Variants in PSG11 observed in about 807,000 individuals in gnomAD.
PSG11 encodes the protein pregnancy specific beta-1-glycoprotein 11, also known as pregnancy-specific beta-1-glycoprotein 11.
A neutral mutation model predicts 36.0 loss-of-function variants in PSG11; 42 were observed. That is an observed-to-expected ratio of 1.17 (90% CI 0.91 to 1.51). The LOEUF is 1.51. Among genes scored for constraint, PSG11 ranks in the 40% most tolerant of loss-of-function variants. PSG11 has a pLI of 0.00. For synonymous variants in PSG11, 206 were observed against 153.5 expected, an observed-to-expected ratio of 1.34 and a Z score of -2.53; for missense variants, 558 against 403.5, an observed-to-expected ratio of 1.38 and a Z score of -3.28.
In PSG11 at chr19:43,009,280, G is replaced by A. The variant is rs149013538; in HGVS notation, c.*40+678C>T. Among the ~76,000 whole-genome samples the A allele has an allele frequency of 6.0e-3, 914 of 151,384 alleles. 25 individuals are homozygous for A. The highest frequency in any genetic ancestry group is 0.021 in the African/African-American group (866 of 41,088). On this transcript the variant is annotated intron_variant, in intron 5 of 5. Coordinates refer to ENST00000320078, the MANE Select transcript of PSG11 (RefSeq NM_002785.3). The stretch of plus-strand genomic sequence containing the variant: ...TTCTCCACGAGGTCAGATGTTGCTT[G>A]TGATGAAGGGTGTGGTTAAGTCTGC...
rs1007203032 is a variant in PSG11 at position 43,020,663 on chromosome 19, A to T, written c.431-1615T>A. On this transcript the variant is annotated intron_variant, in intron 2 of 5. Coordinates refer to ENST00000320078, the MANE Select transcript of PSG11 (RefSeq NM_002785.3). ...AGGATCACATTATGCTCAAAGAAAG[A>T]TGCCAAAGGTGATTTGAAATTAGCA... Among the ~76,000 whole-genome samples the T allele has an allele frequency of 9.2e-5, 14 of 151,442 alleles. 1 individual carries two copies. The highest frequency in any genetic ancestry group is 3.4e-4 in the African/African-American group (14 of 41,046).
rs889010377 is a variant in PSG11, at chr19:43,020,823, C to T, written c.431-1775G>A. Among the ~76,000 whole-genome samples, 17 of 150,822 alleles carry T rather than the reference C, an allele frequency of 1.1e-4. 1 individual carries two copies. The highest frequency in any genetic ancestry group is 4.2e-4 in the African/African-American group (17 of 40,414). On this transcript the variant is annotated intron_variant, in intron 2 of 5. Coordinates refer to ENST00000320078, the MANE Select transcript of PSG11 (RefSeq NM_002785.3). The stretch of plus-strand genomic sequence containing the variant: ...TAAATATAGAAAGAACTTCCTGCTT[C>T]TAATTTCTGTGCAGTTAGGAAAAAT...
chr19:43,020,048 T>A (rs1296942162), intron 2 of PSG11, among the ~76,000 whole-genome samples: 2 of 151,324 alleles, frequency 1.3e-5, no homozygotes, highest in African/African-American at 4.9e-5. Context: ...ATCAGTGGAT[T>A]CCAGAGTGAA....
intron 4 of PSG11, 130 bp downstream of exon 4, chr19:43,014,986 A>G: frequency 6.3e-7 from 1 of 1,575,230 alleles, no homozygotes; most frequent in Non-Finnish European, 8.6e-7. Flanking sequence ...AGGGTTCAGG[A>G]GGAGAATTTG....
Position 43,023,253 on chromosome 19 carries a change from GC to G in PSG11, c.430+1437del, listed in dbSNP as rs1241962250. Among the ~76,000 whole-genome samples the G allele has an allele frequency of 2.3e-4, 34 of 150,488 alleles. 1 individual carries two copies. The East Asian group carries it at 3.4e-3, about 15-fold the overall frequency. Reference sequence around the variant, plus strand: ...TGTGGCTAGAACCTCCTAGGATTCTGCATTCAAGATCCAGTCTCTAAAGAGG... The same window carrying G: ...TGTGGCTAGAACCTCCTAGGATTCTGATTCAAGATCCAGTCTCTAAAGAGG... On this transcript the variant is annotated intron_variant, in intron 2 of 5. Coordinates refer to ENST00000320078, the MANE Select transcript of PSG11 (RefSeq NM_002785.3).
chr19:43,012,768 A>T (rs1974108561), intron 4 of PSG11, among the ~76,000 whole-genome samples: 1 of 151,350 alleles, frequency 6.6e-6, no homozygotes, highest in Admixed American at 6.6e-5. Context: ...ACATTTTTGC[A>T]GAAAAAGAAA....
intron 4 of PSG11, among the ~76,000 whole-genome samples, chr19:43,013,162 T>C (rs1465647470): frequency 1.3e-5 from 2 of 151,284 alleles, no homozygotes; most frequent in Non-Finnish European, 2.9e-5. Context: ...GAGCAAAAAC[T>C]ATACAACTCT....
chr19:43,008,764 A>T lies in PSG11; in HGVS notation c.*41-722T>A, dbSNP rs1045880811. Among the ~76,000 whole-genome samples, 40 of 151,258 alleles carry T rather than the reference A, an allele frequency of 2.6e-4. 1 individual carries two copies. The highest frequency in any genetic ancestry group is 2.9e-5 in the Non-Finnish European group (2 of 67,876). On this transcript the variant is annotated intron_variant, in intron 5 of 5. Coordinates refer to ENST00000320078, the MANE Select transcript of PSG11 (RefSeq NM_002785.3). ...AGCCCATTCATAAATAGGGCCAAAA[A>T]GGTATAGTCTTATGTATGTTGAAAA...
chr19:43,014,993 T>A, intron 4 of PSG11, 123 bp downstream of exon 4: 1 of 1,579,908 alleles, frequency 6.3e-7, no homozygotes, highest in Non-Finnish European at 8.6e-7. Flanking sequence ...AGGAGGAGAA[T>A]TTGGGATTTG....
At position 43,025,047 on chromosome 19, in the gene PSG11, A is replaced by C. The variant is rs1599683345; in HGVS notation, c.74T>G (p.Leu25Ter). 1 of 1,609,612 alleles carries C rather than the reference A, an allele frequency of 6.2e-7. No homozygotes were observed. Among genetic ancestry groups the C allele is most frequent in the East Asian group, 2.2e-5 (1 of 44,764 alleles). The change falls in exon 2 of 6, where the codon TTA becomes TGA. Residue 25 changes from leucine (L) to a stop codon, truncating the protein, a stop_gained. Transcript: ENST00000320078. LOFTEE classifies it high-confidence loss of function. ...AGTGGTAGGCAAGTTCCAGAAGTTT[A>C]AAAGTAATGCTAGGAGGTGGAGAGA... ...WKGLLLTALL[L>*]NFWNLPTTAQ...
chr19:43,012,621 C>T (rs1974105356), intron 4 of PSG11, among the ~76,000 whole-genome samples: 1 of 151,178 alleles, frequency 6.6e-6, no homozygotes. Flanking sequence ...CAAAATATTG[C>T]TGAAAGAAAT....
At chr19:43,023,988 T>C (rs1329963887) in intron 2 of PSG11, among the ~76,000 whole-genome samples, 1 of 151,476 alleles carries the variant, frequency 6.6e-6, no homozygotes, top group African/African-American at 2.4e-5. Flanking sequence ...ACATCTTCTC[T>C]CTTCTGTTTC....
In PSG11 at chr19:43,016,833, T is replaced by A. The variant is rs1966979004; in HGVS notation, c.710-1463A>T. Among the ~76,000 whole-genome samples, 3 of 151,482 alleles carry A rather than the reference T, an allele frequency of 2.0e-5. 1 individual carries two copies. The highest frequency in any genetic ancestry group is 2.0e-4 in the Admixed American group (3 of 15,178). On this transcript the variant is annotated intron_variant, in intron 3 of 5. Transcript: ENST00000320078. Reference sequence around the variant, plus strand: ...AGAGGGCAGGTGAGGACCATGTGGATCTTTCCAGAAATACATGTGGACATT... The same window carrying A: ...AGAGGGCAGGTGAGGACCATGTGGAACTTTCCAGAAATACATGTGGACATT...
In PSG11 at chr19:43,011,750, G is replaced by A. The variant is rs56872117; in HGVS notation, c.965-1709C>T. On this transcript the variant is annotated intron_variant, in intron 4 of 5. Transcript: ENST00000320078. ...AAAAATTAAAAAGCCAACTAGCTGC[G>A]CATGGTGACATGCACCTGTAGTCCT... 4.6e-3 allele frequency among the ~76,000 whole-genome samples: 689 copies of A among 150,350 alleles called. 29 individuals carry two copies. The highest frequency in any genetic ancestry group is 0.016 in the African/African-American group (646 of 40,668).
intron 3 of PSG11, chr19:43,015,724 G>A (rs775737674): frequency 6.2e-7 from 1 of 1,601,296 alleles, no homozygotes; most frequent in African/African-American, 1.4e-5. Context: ...CTGGTCGTTT[G>A]GATTTAAGCT....
chr19:43,019,232 C>T lies in PSG11; in HGVS notation c.431-184G>A, dbSNP rs187977957. 2.7e-3 allele frequency: 3,591 copies of T among 1,308,852 alleles called. 60 individuals are homozygous for T. Among genetic ancestry groups the T allele is most frequent in the Non-Finnish European group, 3.2e-3 (3,158 of 973,038 alleles). 81.1% of individuals were successfully genotyped at this position (1,308,852 alleles called of 1,614,324 possible). A position where few individuals can be genotyped will look rare whatever the true frequency, so the allele number is the denominator to read the frequency against. On this transcript the variant is annotated intron_variant, in intron 2 of 5. Coordinates refer to ENST00000320078, the MANE Select transcript of PSG11 (RefSeq NM_002785.3). ...GAAGGCTAAGAGATTGTGAGGCTGCCTGCTTTATGTGGGAGAAGCACAGAC... is the reference window on the plus strand; with the variant it reads ...GAAGGCTAAGAGATTGTGAGGCTGCTTGCTTTATGTGGGAGAAGCACAGAC...
chr19:43,020,115 C>T (rs1181595571), intron 2 of PSG11, among the ~76,000 whole-genome samples: 1 of 151,284 alleles, frequency 6.6e-6, no homozygotes, highest in Non-Finnish European at 1.5e-5. Context: ...GGGTGTTGTT[C>T]CGTGGGTGTG....
intron 1 of PSG11, among the ~76,000 whole-genome samples, chr19:43,025,524 A>T (rs928450370): frequency 4.0e-5 from 6 of 150,712 alleles, no homozygotes; most frequent in East Asian, 2.0e-4. Flanking sequence ...TGCATGTCTG[A>T]CTTCCTCCCC....
intron 1 of PSG11, 37 bp from the exon 2 acceptor site, chr19:43,025,093 C>G (rs780475148): frequency 1.3e-6 from 2 of 1,589,966 alleles, no homozygotes; most frequent in Non-Finnish European, 1.7e-6. Flanking sequence ...ATATTGAGAC[C>G]TATGTATTGG....
Sources: gnomAD v4.1 joint callset for allele counts (sites outside exome capture counted in the v4.1 genomes callset) on GRCh38, gnomAD v4.1.1 for gene constraint, MANE v1.5 for transcripts, NCBI Gene and HGNC (gene_info 2026-07-23, HGNC 2026-07-21) for gene names.